Variants in PKIG observed in about 807,000 individuals in gnomAD.
PKIG encodes protein kinase (cAMP-dependent, catalytic) inhibitor gamma.
In PKIG, 1 loss-of-function variant was observed where a neutral mutation model predicts 6.8. The observed-to-expected ratio is 0.15, with a 90% confidence interval of 0.05 to 0.69. The LOEUF (loss-of-function observed/expected upper bound fraction) is 0.69, where lower values mean the gene tolerates loss of function less well. Ranked by LOEUF, PKIG falls within the 30% of genes least tolerant of loss-of-function variation. PKIG has a pLI of 0.82. For synonymous variants in PKIG, 39 were observed against 43.0 expected, an observed-to-expected ratio of 0.91 and a Z score of 0.36; for missense variants, 77 against 104.0, an observed-to-expected ratio of 0.74 and a Z score of 1.13.
At chr20:44,566,969 C>G (rs375898189) in intron 1 of PKIG, among the ~76,000 whole-genome samples, 1 of 152,226 alleles carries the variant, frequency 6.6e-6, no homozygotes. Context: ...TATCCAAGAT[C>G]TGTTTCATTT....
chr20:44,558,382 G>A (rs993518645), intron 1 of PKIG, among the ~76,000 whole-genome samples: 4 of 151,966 alleles, frequency 2.6e-5, no homozygotes, highest in African/African-American at 7.3e-5. Context: ...ATGATTGATC[G>A]ATTGGTTGAT....
chr20:44,618,386 CT>C lies in PKIG; in HGVS notation c.*23del. 6.5e-7 allele frequency: 1 copy of C among 1,543,024 alleles called. No homozygotes were observed. The highest frequency in any genetic ancestry group is 9.0e-7 in the Non-Finnish European group (1 of 1,115,064). On this transcript the variant is annotated 3_prime_UTR_variant, in exon 4 of 4. Coordinates refer to ENST00000372886, the MANE Select transcript of PKIG (RefSeq NM_001281445.2). ...TTGAATCTGACCTTGTCCAAGAAGG[CT>C]GGACGAGAGACCTTCTGTCCCCTCC...
At chr20:44,548,640 C>T (rs1352933952) in intron 1 of PKIG, among the ~76,000 whole-genome samples, 2 of 152,126 alleles carry the variant, frequency 1.3e-5, no homozygotes, top group Non-Finnish European at 2.9e-5. Flanking sequence ...GAAATATAAA[C>T]AGCATCTTTA....
At chr20:44,600,423 TA>T (rs1289800868) in intron 2 of PKIG, among the ~76,000 whole-genome samples, 2 of 152,190 alleles carry the variant, frequency 1.3e-5, no homozygotes. Context: ...GACCCTGGGC[TA>T]GGGGTGAGAG....
intron 2 of PKIG, among the ~76,000 whole-genome samples, chr20:44,601,775 A>G (rs574724330): frequency 2.0e-5 from 3 of 152,372 alleles, no homozygotes; most frequent in African/African-American, 7.2e-5. Context: ...AATTTTTGAA[A>G]AAGAAAAAAA....
At chr20:44,539,575 C>T (rs563196999) in intron 1 of PKIG, among the ~76,000 whole-genome samples, 33 of 151,996 alleles carry the variant, frequency 2.2e-4, no homozygotes, top group South Asian at 4.2e-4. Flanking sequence ...CCCACCACCA[C>T]GCCCGGCTGA....
intron 2 of PKIG, among the ~76,000 whole-genome samples, chr20:44,609,374 G>A (rs1311091986): frequency 6.6e-6 from 1 of 152,198 alleles, no homozygotes; most frequent in Non-Finnish European, 1.5e-5. Flanking sequence ...GATAGAGCCT[G>A]TAATTCCATC....
intron 1 of PKIG, among the ~76,000 whole-genome samples, chr20:44,584,488 C>CAAA (rs61654555): frequency 3.1e-5 from 2 of 64,678 alleles, no homozygotes; most frequent in African/African-American, 4.8e-5. Flanking sequence ...AGCCAGAGTG[C>CAAA]AAAAAAAAAA....
At chr20:44,547,164 A>G (rs1209303217) in intron 1 of PKIG, among the ~76,000 whole-genome samples, 1 of 152,232 alleles carries the variant, frequency 6.6e-6, no homozygotes, top group Non-Finnish European at 1.5e-5. Flanking sequence ...ATTATTGCAT[A>G]GACATCTTCA....
intron 3 of PKIG, among the ~76,000 whole-genome samples, chr20:44,615,166 G>C (rs1754336304): frequency 6.6e-6 from 1 of 151,080 alleles, no homozygotes; most frequent in Non-Finnish European, 1.5e-5. Flanking sequence ...TGGCTTCACT[G>C]AGTGAAGCTA....
At chr20:44,578,377 T>C (rs949153440), upstream of PKIG, among the ~76,000 whole-genome samples, 2 of 151,028 alleles carry the variant, frequency 1.3e-5, no homozygotes, top group Non-Finnish European at 2.9e-5. Flanking sequence ...TGCACCACCA[T>C]GCCCAGCTAA....
chr20:44,569,976 A>T, intron 1 of PKIG, among the ~76,000 whole-genome samples: 1 of 152,180 alleles, frequency 6.6e-6, no homozygotes, highest in East Asian at 1.9e-4. Flanking sequence ...GGAAATGAAA[A>T]AAATTAGCCA....
At position 44,614,314 on chromosome 20, in the gene PKIG, C is replaced by G. The variant is rs2065244431; in HGVS notation, c.-23-220C>G. On this transcript the variant is annotated intron_variant, in intron 2 of 3. Coordinates refer to ENST00000372886, the MANE Select transcript of PKIG (RefSeq NM_001281445.2). This position sits in a 1 kb window ranked among gnomAD's most constrained non-coding sequence, Gnocchi z 4.6. ...TCAATAATTTTATTTAAAGAAAAGT[C>G]TGAGCCCATGTTCTTTAAAATGTTG... The G allele has an allele frequency of 2.2e-6, 1 of 464,132 alleles. No homozygotes were observed. Among genetic ancestry groups the G allele is most frequent in the Non-Finnish European group, 3.9e-6 (1 of 259,558 alleles). 28.8% of individuals were successfully genotyped at this position (464,132 alleles called of 1,614,324 possible).
Position 44,618,511 on chromosome 20 carries a change from T to G in PKIG, c.*147T>G. The stretch of plus-strand genomic sequence containing the variant: ...TGAGAAGGCTCCCCAGAGGCCTCTG[T>G]GGCCTCCACTCCGGGAAAGCCCTCT... On this transcript the variant is annotated 3_prime_UTR_variant, in exon 4 of 4. Coordinates refer to ENST00000372886, the MANE Select transcript of PKIG (RefSeq NM_001281445.2). The G allele has an allele frequency of 3.2e-6, 2 of 629,348 alleles. No individual in the cohort carries two copies. Among genetic ancestry groups the G allele is most frequent in the Non-Finnish European group, 5.7e-6 (2 of 351,344 alleles). 39.0% of individuals were successfully genotyped at this position (629,348 alleles called of 1,614,324 possible).
chr20:44,612,067 T>C (rs1033429005), intron 2 of PKIG, among the ~76,000 whole-genome samples: 1 of 152,210 alleles, frequency 6.6e-6, no homozygotes, highest in Non-Finnish European at 1.5e-5. Context: ...TAAATAGTGC[T>C]GCAGTAAACA....
At chr20:44,562,832 G>C (rs764409695) in intron 1 of PKIG, among the ~76,000 whole-genome samples, 73 of 152,154 alleles carry the variant, frequency 4.8e-4, no homozygotes, top group Non-Finnish European at 9.1e-4. Flanking sequence ...GCCAAGGCAG[G>C]AGGATCACCT....
chr20:44,562,690 A>G (rs2064778393), intron 1 of PKIG, among the ~76,000 whole-genome samples: 1 of 152,146 alleles, frequency 6.6e-6, no homozygotes, highest in Admixed American at 6.5e-5. Context: ...TACTATGAAT[A>G]CTATGAATAA....
At chr20:44,607,343 ATATG>A (rs1435705594) in intron 2 of PKIG, among the ~76,000 whole-genome samples, 2 of 139,926 alleles carry the variant, frequency 1.4e-5, no homozygotes, top group African/African-American at 2.7e-5. Flanking sequence ...TTGTGTGTGT[ATATG>A]TGTGTGTGTG....
At chr20:44,571,097 G>C (rs566617011) in intron 1 of PKIG, among the ~76,000 whole-genome samples, 2 of 152,066 alleles carry the variant, frequency 1.3e-5, no homozygotes, top group African/African-American at 4.8e-5. Flanking sequence ...AACCGGATGT[G>C]GTGGTGCAGG....
Sources: gnomAD v4.1 joint callset for allele counts (sites outside exome capture counted in the v4.1 genomes callset) on GRCh38, gnomAD v4.1.1 for gene constraint, Gnocchi (gnomAD v3.1) non-coding constraint, MANE v1.5 for transcripts, NCBI Gene and HGNC (gene_info 2026-07-23, HGNC 2026-07-21) for gene names.